The following CNTN6 variants were observed in gnomAD, a reference collection of about 807,000 sequenced individuals.
CNTN6 encodes the protein contactin-6.
CNTN6 carries 137 observed loss-of-function variants against 122.8 expected under a neutral mutation model. The ratio of observed to expected loss-of-function variants is 1.12; its 90% CI spans 0.97 to 1.29. The LOEUF (loss-of-function observed/expected upper bound fraction) is 1.29, where lower values mean the gene tolerates loss of function less well. Ranked by LOEUF, CNTN6 falls within the 50% of genes most tolerant of loss-of-function variation. The pLI is 0.00. For missense variants in CNTN6, 1,634 were observed against 1,223.4 expected (o/e 1.34, Z -5.01); for synonymous variants, 570 against 426.0 (o/e 1.34, Z -4.16).
intron 5 of CNTN6, among the ~76,000 whole-genome samples, chr3:1,288,004 T>A (rs1419347242): frequency 2.0e-5 from 3 of 152,026 alleles, no homozygotes; most frequent in Non-Finnish European, 2.9e-5. Flanking sequence ...CAGTGTTGGC[T>A]CGGTCTTGAA....
At chr3:1,274,975 G>A (rs1350563767) in intron 4 of CNTN6, among the ~76,000 whole-genome samples, 2 of 151,754 alleles carry the variant, frequency 1.3e-5, no homozygotes, top group Non-Finnish European at 2.9e-5. Context: ...ACCCAAATCA[G>A]TTTGATTGAA....
At chr3:1,207,827 C>T (rs887319157) in intron 2 of CNTN6, among the ~76,000 whole-genome samples, 9 of 151,988 alleles carry the variant, frequency 5.9e-5, no homozygotes, top group Admixed American at 3.9e-4. Context: ...TATCTCCTCT[C>T]TCATCTTCTT....
Position 1,194,075 on chromosome 3 carries a change from C to G in CNTN6, c.56-26612C>G, listed in dbSNP as rs182536756. On this transcript the variant is annotated intron_variant, in intron 2 of 22. Coordinates refer to ENST00000446702, the MANE Select transcript of CNTN6 (RefSeq NM_001289080.2). ...CAACCAAAGTAGACATGACACATTGCAATTCTGATCACCTCTCTTTTTCTC... is the reference window on the plus strand; with the variant it reads ...CAACCAAAGTAGACATGACACATTGGAATTCTGATCACCTCTCTTTTTCTC... Among the ~76,000 whole-genome samples, 87 of 152,120 alleles carry G rather than the reference C, an allele frequency of 5.7e-4. 1 individual carries two copies. Among genetic ancestry groups the G allele is most frequent in the African/African-American group, 1.9e-3 (79 of 41,514 alleles).
At chr3:1,239,986 A>T (rs1473155741) in intron 4 of CNTN6, among the ~76,000 whole-genome samples, 3 of 152,176 alleles carry the variant, frequency 2.0e-5, no homozygotes, top group East Asian at 3.9e-4. Context: ...GAAGAATGAA[A>T]CTGGATCCTC....
chr3:1,313,667 C>G (rs956984278), intron 7 of CNTN6, among the ~76,000 whole-genome samples: 3 of 152,038 alleles, frequency 2.0e-5, no homozygotes, highest in African/African-American at 7.2e-5. Flanking sequence ...CAAAGATGTC[C>G]TCCCCAAGGG....
intron 1 of CNTN6, among the ~76,000 whole-genome samples, chr3:1,124,138 T>A (rs770851529): frequency 6.6e-6 from 1 of 151,916 alleles, no homozygotes; most frequent in Non-Finnish European, 1.5e-5. Flanking sequence ...TTGATTGTCA[T>A]AACTGGAGGA....
intron 5 of CNTN6, among the ~76,000 whole-genome samples, chr3:1,287,379 G>A (rs1022959616): frequency 2.0e-5 from 3 of 152,156 alleles, no homozygotes; most frequent in African/African-American, 7.2e-5. Context: ...AACTTCTAGA[G>A]GGCAAAACTA....
intron 7 of CNTN6, among the ~76,000 whole-genome samples, chr3:1,306,239 A>T (rs1698333137): frequency 6.6e-6 from 1 of 152,182 alleles, no homozygotes; most frequent in Non-Finnish European, 1.5e-5. Flanking sequence ...TGTATACTGA[A>T]ACCTAATCTT....
At chr3:1,255,960 C>T (rs1402530022) in intron 4 of CNTN6, among the ~76,000 whole-genome samples, 1 of 152,000 alleles carries the variant, frequency 6.6e-6, no homozygotes, top group Non-Finnish European at 1.5e-5. Context: ...GGGGATCCAC[C>T]TAAGCTCAAG....
At chr3:1,250,527 C>T (rs1431741935) in intron 4 of CNTN6, among the ~76,000 whole-genome samples, 1 of 152,136 alleles carries the variant, frequency 6.6e-6, no homozygotes, top group African/African-American at 2.4e-5. Flanking sequence ...CCCATATTTG[C>T]CTTGACATCA....
chr3:1,344,061 G>C (rs1461308427), intron 11 of CNTN6, among the ~76,000 whole-genome samples: 5 of 152,092 alleles, frequency 3.3e-5, no homozygotes, highest in African/African-American at 9.7e-5. Flanking sequence ...CCTGTATCGG[G>C]GCTGCGGTTA....
chr3:1,275,302 C>G (rs940704259), intron 4 of CNTN6, among the ~76,000 whole-genome samples: 1 of 152,138 alleles, frequency 6.6e-6, no homozygotes, highest in African/African-American at 2.4e-5. Context: ...CTGTGATCTC[C>G]ATGTCCTTAT....
chr3:1,356,395 C>T (rs903302343), intron 12 of CNTN6, among the ~76,000 whole-genome samples: 10 of 151,866 alleles, frequency 6.6e-5, no homozygotes, highest in Middle Eastern at 3.4e-3. Flanking sequence ...GTTGTTTATT[C>T]TTCGTGATAG....
intron 20 of CNTN6, among the ~76,000 whole-genome samples, chr3:1,395,230 A>G (rs1241070049): frequency 3.3e-5 from 5 of 152,198 alleles, no homozygotes; most frequent in Non-Finnish European, 5.9e-5. Flanking sequence ...TGAAAGCAGA[A>G]GAGTAACTTT....
In CNTN6 at chr3:1,386,665, A is replaced by G. The variant is rs114594243; in HGVS notation, c.2704+868A>G. ...TCCTTATATATTATTAATGAACACA[A>G]ATTATTCATAAAATCAGACTTTTTA... On this transcript the variant is annotated intron_variant, in intron 20 of 22. Coordinates refer to ENST00000446702, the MANE Select transcript of CNTN6 (RefSeq NM_001289080.2). Among the ~76,000 whole-genome samples, 708 of 152,260 alleles carry G rather than the reference A, an allele frequency of 4.6e-3. 7 individuals are homozygous for G. Among genetic ancestry groups the G allele is most frequent in the African/African-American group, 0.016 (675 of 41,568 alleles).
At chr3:1,388,224 C>A (rs1466106136) in intron 20 of CNTN6, among the ~76,000 whole-genome samples, 1 of 149,590 alleles carries the variant, frequency 6.7e-6, no homozygotes, top group Non-Finnish European at 1.5e-5. Flanking sequence ...TGAGAACTGG[C>A]ACACTGCCTC....
At chr3:1,227,191 G>A (rs570002681) in intron 3 of CNTN6, among the ~76,000 whole-genome samples, 41 of 152,202 alleles carry the variant, frequency 2.7e-4, no homozygotes, top group African/African-American at 8.9e-4. Flanking sequence ...GAGAATTTTT[G>A]CTTCTCAAAA....
Position 1,297,908 on chromosome 3 carries a change from A to G in CNTN6, c.678A>G (p.Glu226=), listed in dbSNP as rs1412369661. Residue 226 remains glutamate (E), a synonymous_variant, in exon 7 of 23, where the codon GAA becomes GAG. Transcript: ENST00000446702. ...TAACAGGTGTGATGGGGGAATATGA[A>G]CCAAAGATTGAAGTGCGTTTTCCTG... ...QRTDGVMGEY[E]PKIEVRFPET... is the part of the protein sequence containing the mutation. 6.2e-7 allele frequency: 1 copy of G among 1,612,294 alleles called. No homozygotes were observed. The highest frequency in any genetic ancestry group is 8.5e-7 in the Non-Finnish European group (1 of 1,179,276).
intron 4 of CNTN6, among the ~76,000 whole-genome samples, chr3:1,261,339 A>T (rs571483211): frequency 6.6e-6 from 1 of 152,232 alleles, no homozygotes; most frequent in African/African-American, 2.4e-5. Context: ...CCAAAAACTG[A>T]TGAAGAATAA....
Sources: allele counts gnomAD v4.1 joint callset (sites outside exome capture counted in the v4.1 genomes callset), GRCh38; gene constraint gnomAD v4.1.1; transcripts MANE v1.5; gene names NCBI Gene and HGNC (gene_info 2026-07-23, HGNC 2026-07-21).